Variants in NF2 observed in about 807,000 individuals in gnomAD.
The protein encoded by NF2 is NF2, moesin-ezrin-radixin like (MERLIN) tumor suppressor, also known as merlin.
In NF2, 8 loss-of-function variants were observed where a neutral mutation model predicts 83.7. The ratio of observed to expected loss-of-function variants is 0.10; its 90% CI spans 0.06 to 0.17. NF2 has a LOEUF of 0.17. Among genes scored for constraint, NF2 ranks in the 10% least tolerant of loss-of-function variants. The pLI, the probability that NF2 is intolerant of heterozygous loss-of-function variation, is 1.00. For synonymous variants in NF2, 266 were observed against 269.6 expected (o/e 0.99, Z 0.13); for missense variants, 533 against 744.4 (o/e 0.72, Z 3.31).
intron 11 of NF2, 122 bp from the exon 12 acceptor site, chr22:29,673,147 C>A: frequency 1.9e-6 from 2 of 1,041,100 alleles, no homozygotes; most frequent in Non-Finnish European, 2.9e-6. Flanking sequence ...TCATGGAGGG[C>A]ACTCAGCAGC....
At chr22:29,644,052 C>T (rs1047266988) in intron 4 of NF2, among the ~76,000 whole-genome samples, 2 of 150,730 alleles carry the variant, frequency 1.3e-5, no homozygotes, top group African/African-American at 2.4e-5. Flanking sequence ...GACGGGGTGG[C>T]TGCCGGGCGG....
At chr22:29,656,451 C>T (rs1165928004) in intron 6 of NF2, among the ~76,000 whole-genome samples, 3 of 122,292 alleles carry the variant, frequency 2.5e-5, no homozygotes, top group African/African-American at 9.5e-5. Flanking sequence ...CTCACTCAGT[C>T]ACCCAGGCTG....
intron 1 of NF2, among the ~76,000 whole-genome samples, chr22:29,611,614 C>T (rs1316419964): frequency 6.6e-6 from 1 of 152,170 alleles, no homozygotes; most frequent in African/African-American, 2.4e-5. Context: ...TACTGCTATT[C>T]AGCATTGTAC....
chr22:29,630,918 GA>G (rs1246663186), intron 1 of NF2, among the ~76,000 whole-genome samples: 1 of 152,112 alleles, frequency 6.6e-6, no homozygotes, highest in African/African-American at 2.4e-5. Context: ...TGCAGGGCCT[GA>G]AAGCGTTACG....
chr22:29,693,308 C>T lies in NF2; in HGVS notation c.1738-1444C>T, dbSNP rs566954827. On this transcript the variant is annotated intron_variant, in intron 15 of 15. Transcript: ENST00000338641. ...CATCAGAACCGGGCTTTCCAAAGGG[C>T]TCTGAAATTGGTTCCACTGAAGAAG... Among the ~76,000 whole-genome samples the T allele has an allele frequency of 2.0e-5, 3 of 152,328 alleles. No homozygotes were observed. The South Asian group carries it at 6.2e-4, about 32-fold the overall frequency.
intron 1 of NF2, among the ~76,000 whole-genome samples, chr22:29,618,908 C>T (rs996466142): frequency 3.3e-5 from 5 of 152,166 alleles, no homozygotes; most frequent in African/African-American, 1.2e-4. Context: ...AATCTTAAAT[C>T]CTAGGCTCCC....
chr22:29,676,161 A>AT (rs1569308289), intron 13 of NF2, among the ~76,000 whole-genome samples: 1 of 150,816 alleles, frequency 6.6e-6, no homozygotes, highest in Non-Finnish European at 1.5e-5. Flanking sequence ...TTTATTTTTT[A>AT]TTTTATTTAT....
chr22:29,612,047 G>A (rs548077848), intron 1 of NF2, among the ~76,000 whole-genome samples: 88 of 152,106 alleles, frequency 5.8e-4, no homozygotes, highest in East Asian at 1.7e-3. Context: ...TCACTCTGTC[G>A]TCCAGGCTGG....
chr22:29,675,439 G>T (rs765574506), intron 13 of NF2, among the ~76,000 whole-genome samples: 14 of 151,746 alleles, frequency 9.2e-5, no homozygotes, highest in Non-Finnish European at 1.5e-4. Context: ...ATGAATAGAA[G>T]CCTCTTTCCT....
At position 29,697,890 on chromosome 22, in the gene NF2, A is replaced by G. The variant is rs1219895017; in HGVS notation, c.*3088A>G. On this transcript the variant is annotated 3_prime_UTR_variant, in exon 16 of 16. Coordinates refer to ENST00000338641, the MANE Select transcript of NF2 (RefSeq NM_000268.4). ...CAGACTGCGTCCTTTTTAAGCGAAC[A>G]TTTTAGGGCCTGGGAGTTTGTCAAG... The G allele has an allele frequency of 4.8e-6, 1 of 208,818 alleles. No individual in the cohort carries two copies. Among genetic ancestry groups the G allele is most frequent in the Non-Finnish European group, 9.8e-6 (1 of 102,504 alleles). 12.9% of individuals were successfully genotyped at this position (208,818 alleles called of 1,614,324 possible). A position where few individuals can be genotyped will look rare whatever the true frequency, so the allele number is the denominator to read the frequency against.
Position 29,681,427 on chromosome 22 carries a change from T to G in NF2, c.1575-12T>G, listed in dbSNP as rs751771156. On this transcript the variant is annotated splice_polypyrimidine_tract_variant and intron_variant, in intron 14 of 15. Coordinates refer to ENST00000338641, the MANE Select transcript of NF2 (RefSeq NM_000268.4). The stretch of plus-strand genomic sequence containing the variant: ...GCCCAAGCCCTGATGCATGATACCC[T>G]CTTGCCGGCAGAGTGGAATACATGG... 17 of 1,613,508 alleles carry G rather than the reference T, an allele frequency of 1.1e-5. No individual in the cohort carries two copies. Among genetic ancestry groups the G allele is most frequent in the Non-Finnish European group, 1.4e-5 (17 of 1,179,768 alleles).
intron 4 of NF2, among the ~76,000 whole-genome samples, chr22:29,648,802 C>T (rs2066057323): frequency 6.6e-6 from 1 of 152,144 alleles, no homozygotes; most frequent in African/African-American, 2.4e-5. Flanking sequence ...GTTGCCCAGG[C>T]AGGTCCCAAA....
intron 1 of NF2, among the ~76,000 whole-genome samples, chr22:29,626,108 A>G (rs567903278): frequency 3.0e-4 from 45 of 151,816 alleles, no homozygotes; most frequent in African/African-American, 1.1e-3. Flanking sequence ...CAGTCTCATA[A>G]ATATGTTAGT....
At chr22:29,655,468 C>G in intron 5 of NF2, 126 bp from the exon 6 acceptor site, 2 of 750,862 alleles carry the variant, frequency 2.7e-6, no homozygotes, top group Non-Finnish European at 4.8e-6. Flanking sequence ...GTGACTATCT[C>G]CCTGGGTGTA....
At chr22:29,607,283 G>A (rs1174527697) in intron 1 of NF2, among the ~76,000 whole-genome samples, 1 of 151,826 alleles carries the variant, frequency 6.6e-6, no homozygotes, top group African/African-American at 2.4e-5. Flanking sequence ...GTAAGAGCAA[G>A]TTATGCCTCA....
At chr22:29,643,711 C>G (rs2065880781) in intron 4 of NF2, among the ~76,000 whole-genome samples, 1 of 152,218 alleles carries the variant, frequency 6.6e-6, no homozygotes, top group Non-Finnish European at 1.5e-5. Context: ...GACACGGCAA[C>G]CATCCGATTT....
At position 29,696,734 on chromosome 22, in the gene NF2, G is replaced by T; in HGVS notation, c.*1932G>T. On this transcript the variant is annotated 3_prime_UTR_variant, in exon 16 of 16. Transcript: ENST00000338641. ...TTGTGGCCCTGTGTCTTCCTAGTGT[G>T]ACCCAGCCAGGAGCGGAAGCTTCAG... is the stretch of plus-strand genomic sequence containing the variant. 4.5e-6 allele frequency: 1 copy of T among 220,776 alleles called. No individual in the cohort carries two copies. 13.7% of individuals were successfully genotyped at this position (220,776 alleles called of 1,614,324 possible).
chr22:29,632,809 G>A (rs569182068), intron 1 of NF2, among the ~76,000 whole-genome samples: 1 of 152,296 alleles, frequency 6.6e-6, no homozygotes, highest in African/African-American at 2.4e-5. Context: ...GACTAATACT[G>A]CCCTTGTGCT....
At chr22:29,691,632 G>C (rs1569317933) in intron 15 of NF2, among the ~76,000 whole-genome samples, 1 of 152,202 alleles carries the variant, frequency 6.6e-6, no homozygotes, top group Non-Finnish European at 1.5e-5. Flanking sequence ...CTGCCTATGG[G>C]TGTACTGTAA....
Sources: allele counts gnomAD v4.1 joint callset (sites outside exome capture counted in the v4.1 genomes callset), GRCh38; gene constraint gnomAD v4.1.1; transcripts MANE v1.5; gene names NCBI Gene and HGNC (gene_info 2026-07-23, HGNC 2026-07-21).